Variants in PHACTR1 observed in about 807,000 individuals in gnomAD.
PHACTR1 encodes phosphatase and actin regulator 1.
Under a neutral mutation model 69.2 loss-of-function variants are expected in PHACTR1, and 16 were observed. The observed-to-expected ratio is 0.23, with a 90% CI of 0.16 to 0.35. The LOEUF is 0.35. PHACTR1 is among the 10% of genes least tolerant of loss of function. PHACTR1 has a pLI of 1.00. For missense variants in PHACTR1, 510 were observed against 734.7 expected, an observed-to-expected ratio of 0.69 and a Z score of 3.54; for synonymous variants, 312 against 284.5, an observed-to-expected ratio of 1.10 and a Z score of -0.97.
intron 4 of PHACTR1, among the ~76,000 whole-genome samples, chr6:13,010,959 G>A (rs1799387778): frequency 1.3e-5 from 2 of 152,238 alleles, no homozygotes; most frequent in Admixed American, 6.5e-5. Flanking sequence ...CTGAGGCAAG[G>A]AGGTAGTGCT....
intron 4 of PHACTR1, among the ~76,000 whole-genome samples, chr6:12,790,544 A>C (rs773368139): frequency 1.3e-5 from 2 of 152,220 alleles, no homozygotes; most frequent in Non-Finnish European, 2.9e-5. Flanking sequence ...TCTCCCTAAT[A>C]AAATGTAAGC....
chr6:12,979,347 G>T (rs1467040966), intron 4 of PHACTR1, among the ~76,000 whole-genome samples: 1 of 152,186 alleles, frequency 6.6e-6, no homozygotes, highest in Admixed American at 6.5e-5. Context: ...AAACATGGCG[G>T]TGCTGCACCA....
chr6:12,959,400 C>T (rs985680753), intron 4 of PHACTR1, among the ~76,000 whole-genome samples: 1 of 151,884 alleles, frequency 6.6e-6, no homozygotes, highest in African/African-American at 2.4e-5. Flanking sequence ...CCCTATCACT[C>T]CCATCTCTTC....
intron 4 of PHACTR1, among the ~76,000 whole-genome samples, chr6:12,884,884 C>G (rs1382122995): frequency 6.6e-6 from 1 of 152,118 alleles, no homozygotes; most frequent in Non-Finnish European, 1.5e-5. Context: ...TTGAAAAAGA[C>G]TAATCATAAA....
chr6:12,830,428 G>A (rs1777411386), intron 4 of PHACTR1, among the ~76,000 whole-genome samples: 1 of 151,788 alleles, frequency 6.6e-6, no homozygotes, highest in African/African-American at 2.4e-5. Flanking sequence ...AGCTCACCTT[G>A]ATGAATTCTA....
intron 4 of PHACTR1, among the ~76,000 whole-genome samples, chr6:12,780,152 CTGT>C (rs1014875181): frequency 6.6e-6 from 1 of 151,980 alleles, no homozygotes; most frequent in Non-Finnish European, 1.5e-5. Flanking sequence ...ATTATTGTTA[CTGT>C]TGTTTAAAAT....
In PHACTR1 at chr6:12,819,400, G is replaced by A. The variant is rs193233221; in HGVS notation, c.250+69610G>A. Among the ~76,000 whole-genome samples the A allele has an allele frequency of 2.4e-3, 360 of 152,190 alleles. 1 individual carries two copies. The highest frequency in any genetic ancestry group is 5.2e-3 in the Admixed American group (79 of 15,294). ...GAACACTAGAGCAGCTCAAACAGGT[G>A]GTCTGAGTCTCTCATATATTTCAAC... On this transcript the variant is annotated intron_variant, in intron 4 of 14. Coordinates refer to ENST00000332995, the MANE Select transcript of PHACTR1 (RefSeq NM_030948.6).
At chr6:12,826,021 G>A (rs1383996612) in intron 4 of PHACTR1, among the ~76,000 whole-genome samples, 1 of 152,208 alleles carries the variant, frequency 6.6e-6, no homozygotes, top group East Asian at 1.9e-4. Context: ...TAGATTGGGA[G>A]TGTTTCTCAG....
At chr6:12,916,147 T>C (rs1786965110) in intron 4 of PHACTR1, among the ~76,000 whole-genome samples, 1 of 152,204 alleles carries the variant, frequency 6.6e-6, no homozygotes, top group Non-Finnish European at 1.5e-5. Flanking sequence ...GTTTATTAAC[T>C]TAAAACGAAA....
chr6:13,001,337 AAAATT>A (rs892032632), intron 4 of PHACTR1, among the ~76,000 whole-genome samples: 2 of 152,188 alleles, frequency 1.3e-5, no homozygotes, highest in Admixed American at 6.5e-5. Context: ...ATTGGGAAGA[AAAATT>A]AATAAGTCTT....
At chr6:13,186,462 A>G (rs1205833294) in intron 7 of PHACTR1, among the ~76,000 whole-genome samples, 1 of 152,228 alleles carries the variant, frequency 6.6e-6, no homozygotes. Flanking sequence ...AACAGCAAAC[A>G]ACTGCAACAG....
chr6:13,277,316 C>A (rs1779123052), intron 11 of PHACTR1, among the ~76,000 whole-genome samples: 1 of 152,136 alleles, frequency 6.6e-6, no homozygotes, highest in Non-Finnish European at 1.5e-5. Flanking sequence ...CTCTTCTGAG[C>A]CACTCCTAAA....
intron 5 of PHACTR1, among the ~76,000 whole-genome samples, chr6:13,121,525 C>T (rs1818733667): frequency 6.6e-6 from 1 of 152,164 alleles, no homozygotes; most frequent in Admixed American, 6.5e-5. Context: ...TTACACTCTG[C>T]TATGTAGGAT....
chr6:12,932,521 G>A (rs1788980391), intron 4 of PHACTR1, among the ~76,000 whole-genome samples: 1 of 152,008 alleles, frequency 6.6e-6, no homozygotes, highest in African/African-American at 2.4e-5. Context: ...ACTTATTCTT[G>A]AATAATCTTG....
chr6:12,756,518 G>A (rs1448049967), intron 4 of PHACTR1, among the ~76,000 whole-genome samples: 3 of 152,128 alleles, frequency 2.0e-5, no homozygotes, highest in African/African-American at 7.2e-5. Flanking sequence ...AATGATGACA[G>A]ATTAGCATGA....
At chr6:12,931,024 A>AAAG (rs1788813828) in intron 4 of PHACTR1, among the ~76,000 whole-genome samples, 2 of 148,520 alleles carry the variant, frequency 1.3e-5, no homozygotes, top group South Asian at 4.2e-4. Context: ...AAAAAAAAAA[A>AAAG]AAGAAGGTGA....
At chr6:13,237,421 A>G (rs557612970) in intron 10 of PHACTR1, among the ~76,000 whole-genome samples, 1 of 152,296 alleles carries the variant, frequency 6.6e-6, no homozygotes, top group Admixed American at 6.5e-5. Context: ...TGTGGACTGA[A>G]TTCAGCCCAA....
At chr6:12,765,742 T>C (rs1177547020) in intron 4 of PHACTR1, among the ~76,000 whole-genome samples, 1 of 152,178 alleles carries the variant, frequency 6.6e-6, no homozygotes, top group African/African-American at 2.4e-5. Context: ...GTTTAGGTCA[T>C]ATGGAAAGAA....
chr6:12,816,869 G>C (rs185811498), intron 4 of PHACTR1, among the ~76,000 whole-genome samples: 3 of 152,084 alleles, frequency 2.0e-5, no homozygotes, highest in Non-Finnish European at 4.4e-5. Flanking sequence ...ATTATGGCTT[G>C]TCTTTGCTGT....
Sources: allele counts gnomAD v4.1 joint callset (sites outside exome capture counted in the v4.1 genomes callset), GRCh38; gene constraint gnomAD v4.1.1; transcripts MANE v1.5; gene names NCBI Gene and HGNC (gene_info 2026-07-23, HGNC 2026-07-21).